CNBD2: variants seen among roughly 807,000 people sequenced by gnomAD.
The protein encoded by CNBD2 is cyclic nucleotide binding domain containing 2.
A neutral mutation model predicts 63.7 loss-of-function variants in CNBD2; 64 were observed. That is an observed-to-expected ratio of 1.00 (90% CI 0.82 to 1.24). The LOEUF is 1.24. Among genes scored for constraint, CNBD2 ranks in the 50% most tolerant of loss-of-function variants. The pLI is 0.00. For synonymous variants in CNBD2, 229 were observed against 255.4 expected, an observed-to-expected ratio of 0.90 and a Z score of 0.99; for missense variants, 691 against 713.5, an observed-to-expected ratio of 0.97 and a Z score of 0.36.
intron 7 of CNBD2, among the ~76,000 whole-genome samples, chr20:35,988,313 T>C (rs967973873): frequency 6.6e-6 from 1 of 151,950 alleles, no homozygotes; most frequent in East Asian, 1.9e-4. Flanking sequence ...ACTATAGGTA[T>C]GTGCCACCAT....
chr20:35,980,197 C>T (rs895456630), intron 3 of CNBD2, among the ~76,000 whole-genome samples: 2 of 152,114 alleles, frequency 1.3e-5, no homozygotes, highest in South Asian at 2.1e-4. Context: ...GGGATGTCAG[C>T]GTTGATATGT....
At chr20:36,009,595 G>T (rs1295850923) in intron 9 of CNBD2, among the ~76,000 whole-genome samples, 1 of 152,116 alleles carries the variant, frequency 6.6e-6, no homozygotes, top group Non-Finnish European at 1.5e-5. Flanking sequence ...ACTTTGGGCG[G>T]CTGAAGCGGG....
chr20:36,015,224 G>C (rs2057118164), intron 10 of CNBD2, among the ~76,000 whole-genome samples: 1 of 152,058 alleles, frequency 6.6e-6, no homozygotes, highest in Non-Finnish European at 1.5e-5. Context: ...TTGATTTCTT[G>C]AGACTGTGTT....
intron 8 of CNBD2, among the ~76,000 whole-genome samples, chr20:36,006,153 G>C (rs2147312669): frequency 6.7e-6 from 1 of 149,822 alleles, no homozygotes; most frequent in South Asian, 2.1e-4. Flanking sequence ...CTCAGCCTCT[G>C]GAGTAGCTGG....
At chr20:35,987,645 C>A in intron 7 of CNBD2, 112 bp downstream of exon 7, 1 of 1,235,254 alleles carries the variant, frequency 8.1e-7, no homozygotes, top group Non-Finnish European at 1.1e-6. Context: ...CTGTGCAATT[C>A]ACTTCCTTCT....
downstream of CNBD2, among the ~76,000 whole-genome samples, chr20:35,958,290 G>A (rs571677222): frequency 2.1e-3 from 323 of 152,180 alleles, no homozygotes; most frequent in Non-Finnish European, 3.9e-3. Flanking sequence ...AAATTAGCTG[G>A]GCATGGTGGC....
chr20:36,021,500 G>T (rs1271968177), intron 10 of CNBD2, among the ~76,000 whole-genome samples: 1 of 152,202 alleles, frequency 6.6e-6, no homozygotes, highest in African/African-American at 2.4e-5. Context: ...AATTAGATGT[G>T]TATATTGTAC....
At chr20:35,998,040 CTTTTTTTT>C (rs1046661526) in intron 8 of CNBD2, among the ~76,000 whole-genome samples, 13 of 127,118 alleles carry the variant, frequency 1.0e-4, no homozygotes, top group East Asian at 2.2e-4. Flanking sequence ...TTTTCTTTTT[CTTTTTTTT>C]TTTTTTTTTT....
intron 10 of CNBD2, among the ~76,000 whole-genome samples, chr20:36,013,372 C>G (rs542827448): frequency 6.6e-6 from 1 of 151,790 alleles, no homozygotes; most frequent in Non-Finnish European, 1.5e-5. Flanking sequence ...GAGCAGAGAT[C>G]GCGCCACTGC....
chr20:35,998,658 C>G (rs2056857765), intron 8 of CNBD2, among the ~76,000 whole-genome samples: 1 of 151,868 alleles, frequency 6.6e-6, no homozygotes, highest in East Asian at 2.0e-4. Flanking sequence ...CACCTGAGGT[C>G]AGGAGTTCGA....
At chr20:35,989,648 A>G (rs1428433184) in intron 7 of CNBD2, among the ~76,000 whole-genome samples, 1 of 152,104 alleles carries the variant, frequency 6.6e-6, no homozygotes, top group Non-Finnish European at 1.5e-5. Context: ...AATTTTCAGG[A>G]ATTTTGGTAA....
upstream of CNBD2, among the ~76,000 whole-genome samples, chr20:35,968,276 CA>C (rs2056364324): frequency 6.6e-6 from 1 of 152,110 alleles, no homozygotes; most frequent in African/African-American, 2.4e-5. Context: ...GACATTTGTA[CA>C]CTGTCATGGC....
intron 10 of CNBD2, among the ~76,000 whole-genome samples, chr20:36,011,843 T>C (rs1268921161): frequency 1.3e-5 from 2 of 152,184 alleles, no homozygotes; most frequent in Admixed American, 6.5e-5. Flanking sequence ...GCTTTCCTTA[T>C]ACCAGCAATG....
intron 7 of CNBD2, among the ~76,000 whole-genome samples, chr20:35,993,926 G>A (rs1044464184): frequency 2.1e-5 from 3 of 143,672 alleles, no homozygotes; most frequent in Non-Finnish European, 3.0e-5. Context: ...CCAGGCTGGA[G>A]TGCAATGGCA....
chr20:36,020,409 A>T (rs1451963719), intron 10 of CNBD2, among the ~76,000 whole-genome samples: 1 of 152,100 alleles, frequency 6.6e-6, no homozygotes, highest in African/African-American at 2.4e-5. Context: ...TAACCTCAGC[A>T]TCCTCACCTG....
At position 36,023,651 on chromosome 20, in the gene CNBD2, T is replaced by C; in HGVS notation, c.1319T>C (p.Leu440Ser). 6.2e-7 allele frequency: 1 copy of C among 1,613,682 alleles called. No individual in the cohort carries two copies. Among genetic ancestry groups the C allele is most frequent in the Middle Eastern group, 1.6e-4 (1 of 6,062 alleles). Residue 440 changes from leucine to serine, a missense_variant, in exon 11 of 12, where the codon TTG (leucine) becomes TCG (serine). Leu to Ser is a moderately radical substitution (Grantham distance 145). Transcript: ENST00000373973. The stretch of plus-strand genomic sequence containing the variant: ...GAGGGTGAATGCGACACACGACCCT[T>C]GATCCTGATGAGCCTGGGAAATGAG... ...LPEGECDTRPLILMSLGNELI... is the reference protein window; with the variant it reads ...LPEGECDTRPSILMSLGNELI...
chr20:36,020,273 G>C (rs887600720), intron 10 of CNBD2, among the ~76,000 whole-genome samples: 12 of 152,010 alleles, frequency 7.9e-5, no homozygotes, highest in African/African-American at 2.4e-4. Context: ...AATAGAGATG[G>C]GGTTTCACCA....
chr20:36,005,845 G>A (rs991268302), intron 8 of CNBD2, among the ~76,000 whole-genome samples: 1 of 151,574 alleles, frequency 6.6e-6, no homozygotes, highest in Non-Finnish European at 1.5e-5. Flanking sequence ...CAGCTACTTG[G>A]GAGGCTGAGG....
Position 36,030,617 on chromosome 20 carries a change from C to T in CNBD2, c.1700C>T (p.Pro567Leu). 6.2e-7 allele frequency: 1 copy of T among 1,614,176 alleles called. No homozygotes were observed. The highest frequency in any genetic ancestry group is 1.7e-5 in the Admixed American group (1 of 60,014). Residue 567 changes from proline to leucine, a missense_variant, in exon 12 of 12, where the codon CCT (proline) becomes CTT (leucine). By Grantham distance (98) the Pro-to-Leu change is moderately conservative. Coordinates refer to ENST00000373973, the MANE Select transcript of CNBD2 (RefSeq NM_001365709.1). The stretch of plus-strand genomic sequence containing the variant: ...AGGATTGTCCAAGCCATCAAAGCAC[C>T]TCGGTACAAAATCCGAGAACTCTTG... Reference protein sequence around the residue: ...PLRIVQAIKAPRYKIRELLA With the variant: ...PLRIVQAIKALRYKIRELLA
Sources: gnomAD v4.1 joint callset for allele counts (sites outside exome capture counted in the v4.1 genomes callset) on GRCh38, gnomAD v4.1.1 for gene constraint, MANE v1.5 for transcripts, NCBI Gene and HGNC (gene_info 2026-07-23, HGNC 2026-07-21) for gene names.